The following GALNT18 variants were observed in gnomAD, a reference collection of about 807,000 sequenced individuals.
The protein encoded by GALNT18 is GalNAc-transferase 18.
GALNT18 carries 44 observed loss-of-function variants against 69.5 expected under a neutral mutation model. The ratio of observed to expected loss-of-function variants is 0.63; its 90% CI spans 0.50 to 0.81. The LOEUF is 0.81. GALNT18 is among the 40% of genes least tolerant of loss of function. The pLI, the probability that GALNT18 is intolerant of heterozygous loss-of-function variation, is 0.00. For missense variants in GALNT18, 715 were observed against 810.0 expected, an observed-to-expected ratio of 0.88 and a Z score of 1.42; for synonymous variants, 364 against 318.2, an observed-to-expected ratio of 1.14 and a Z score of -1.53.
At chr11:11,490,982 G>T (rs896928709) in intron 1 of GALNT18, among the ~76,000 whole-genome samples, 3 of 152,228 alleles carry the variant, frequency 2.0e-5, no homozygotes, top group Non-Finnish European at 4.4e-5. Context: ...GTGGAGGTGT[G>T]GGTGGCAAGG....
At chr11:11,362,407 T>A (rs893877940) in intron 6 of GALNT18, among the ~76,000 whole-genome samples, 1 of 151,820 alleles carries the variant, frequency 6.6e-6, no homozygotes, top group Non-Finnish European at 1.5e-5. Context: ...TCAAGACAAG[T>A]AATAAACTGG....
Position 11,389,374 on chromosome 11 carries a change from C to T in GALNT18, c.596-10110G>A, listed in dbSNP as rs1242690845. Among the ~76,000 whole-genome samples the T allele has an allele frequency of 6.6e-6, 1 of 152,178 alleles. No individual in the cohort carries two copies. The highest frequency in any genetic ancestry group is 1.5e-5 in the Non-Finnish European group (1 of 68,036). ...AGCAAATGGGAATGAGAATAATGAACTAATAGAAGTCAGTGTCTTTGCTGA... is the reference window on the plus strand; with the variant it reads ...AGCAAATGGGAATGAGAATAATGAATTAATAGAAGTCAGTGTCTTTGCTGA... On this transcript the variant is annotated intron_variant, in intron 3 of 10. Coordinates refer to ENST00000227756, the MANE Select transcript of GALNT18 (RefSeq NM_198516.3). The surrounding 1 kb of genome is among the most constrained non-coding windows in gnomAD (Gnocchi z 4.3).
In GALNT18 at chr11:11,413,015, C is replaced by T. The variant is rs1232568612; in HGVS notation, c.595+19606G>A. ...AGGCATGAATTTTACACCTATTTCC[C>T]AGAGTATCCCAAAAGGATTAAGATC... On this transcript the variant is annotated intron_variant, in intron 3 of 10. Transcript: ENST00000227756. This position sits in a 1 kb window ranked among gnomAD's most constrained non-coding sequence, Gnocchi z 4.7. Among the ~76,000 whole-genome samples the T allele has an allele frequency of 2.0e-5, 3 of 152,194 alleles. No individual in the cohort carries two copies. The highest frequency in any genetic ancestry group is 4.4e-5 in the Non-Finnish European group (3 of 68,038).
intron 1 of GALNT18, among the ~76,000 whole-genome samples, chr11:11,490,227 TCTCTCTAACA>T (rs1336159343): frequency 1.3e-5 from 1 of 74,394 alleles, no homozygotes; most frequent in Non-Finnish European, 2.7e-5. Flanking sequence ...TCTCTCTCTC[TCTCTCTAACA>T]CACACACACA....
chr11:11,283,046 G>A (rs1048780947), intron 10 of GALNT18, among the ~76,000 whole-genome samples: 12 of 152,246 alleles, frequency 7.9e-5, no homozygotes, highest in Middle Eastern at 3.4e-3. Flanking sequence ...GGTGGCCCAC[G>A]GCAGAAATGG....
chr11:11,610,812 T>C (rs1399110729), intron 1 of GALNT18, among the ~76,000 whole-genome samples: 1 of 152,198 alleles, frequency 6.6e-6, no homozygotes, highest in African/African-American at 2.4e-5. Context: ...TCCAAGCCCA[T>C]GAACTGACAG....
chr11:11,297,183 C>T (rs552922933), intron 9 of GALNT18, among the ~76,000 whole-genome samples: 1 of 152,146 alleles, frequency 6.6e-6, no homozygotes, highest in Admixed American at 6.5e-5. Flanking sequence ...AGGACAGCCC[C>T]CCACAGCAAA....
intron 1 of GALNT18, among the ~76,000 whole-genome samples, chr11:11,498,083 C>T (rs1251644215): frequency 6.6e-6 from 1 of 152,124 alleles, no homozygotes; most frequent in Non-Finnish European, 1.5e-5. Flanking sequence ...ATATGTGAAA[C>T]CAATTGAGGG....
At chr11:11,325,325 T>G (rs549254148) in intron 9 of GALNT18, among the ~76,000 whole-genome samples, 1 of 152,276 alleles carries the variant, frequency 6.6e-6, no homozygotes, top group African/African-American at 2.4e-5. Flanking sequence ...TGCAAAGGCA[T>G]AAGAATGACA....
At chr11:11,581,204 C>T (rs758623957) in intron 1 of GALNT18, among the ~76,000 whole-genome samples, 8 of 152,240 alleles carry the variant, frequency 5.3e-5, no homozygotes, top group Admixed American at 2.6e-4. Context: ...GTAGGGGCCC[C>T]GACAGCACTG....
intron 2 of GALNT18, among the ~76,000 whole-genome samples, chr11:11,434,606 G>GAGAT (rs916558474): frequency 2.4e-4 from 37 of 152,224 alleles, no homozygotes; most frequent in African/African-American, 8.7e-4. Context: ...CTGAGGAAGA[G>GAGAT]AGATTGGATC....
At position 11,494,316 on chromosome 11, in the gene GALNT18, A is replaced by C. The variant is rs1446686837; in HGVS notation, c.236-45380T>G. ...AGCCTAAAAACTGGGTCCTTTCCCC[A>C]GTGCTTCCTGTCTAGGATCCCATGT... On this transcript the variant is annotated intron_variant, in intron 1 of 10. Coordinates refer to ENST00000227756, the MANE Select transcript of GALNT18 (RefSeq NM_198516.3). The surrounding 1 kb of genome is among the most constrained non-coding windows in gnomAD (Gnocchi z 5.7). Among the ~76,000 whole-genome samples the C allele has an allele frequency of 2.0e-5, 3 of 152,140 alleles. No homozygotes were observed. The highest frequency in any genetic ancestry group is 7.2e-5 in the African/African-American group (3 of 41,418).
At position 11,604,106 on chromosome 11, in the gene GALNT18, C is replaced by T. The variant is rs916286066; in HGVS notation, c.235+17253G>A. ...CTCACCAAACACAGAATCCGCTATG[C>T]CTTAATTTTGGACTTCCCAGCCTCC... On this transcript the variant is annotated intron_variant, in intron 1 of 10. Transcript: ENST00000227756. This position sits in a 1 kb window ranked among gnomAD's most constrained non-coding sequence, Gnocchi z 5.6. Among the ~76,000 whole-genome samples, 3 of 152,140 alleles carry T rather than the reference C, an allele frequency of 2.0e-5. No homozygotes were observed. The highest frequency in any genetic ancestry group is 6.5e-5 in the Admixed American group (1 of 15,282).
chr11:11,405,270 C>G (rs1208508210), intron 3 of GALNT18, among the ~76,000 whole-genome samples: 1 of 152,170 alleles, frequency 6.6e-6, no homozygotes, highest in African/African-American at 2.4e-5. Context: ...GAAGGAGACT[C>G]ATGAGAAAAC....
At position 11,435,296 on chromosome 11, in the gene GALNT18, C is replaced by G. The variant is rs1334927443; in HGVS notation, c.429-2509G>C. ...TTCTGAACGTGGTGCCCAGTCTCCC[C>G]CTTCTGAGGAGACCAATTTTAATTC... On this transcript the variant is annotated intron_variant, in intron 2 of 10. Coordinates refer to ENST00000227756, the MANE Select transcript of GALNT18 (RefSeq NM_198516.3). This position sits in a 1 kb window ranked among gnomAD's most constrained non-coding sequence, Gnocchi z 4.4. Among the ~76,000 whole-genome samples the G allele has an allele frequency of 6.6e-6, 1 of 152,156 alleles. No homozygotes were observed. The highest frequency in any genetic ancestry group is 2.4e-5 in the African/African-American group (1 of 41,430).
At chr11:11,298,736 G>A (rs4614445) in intron 9 of GALNT18, among the ~76,000 whole-genome samples, 69,876 of 151,628 alleles carry the variant, frequency 0.46, 16,896 homozygotes, top group Middle Eastern at 0.57. Flanking sequence ...ATCACAGCAG[G>A]TCTTCTTTTG....
chr11:11,520,760 G>T (rs1206674601), intron 1 of GALNT18, among the ~76,000 whole-genome samples: 2 of 152,238 alleles, frequency 1.3e-5, no homozygotes, highest in Non-Finnish European at 2.9e-5. Flanking sequence ...TCACAGGCTG[G>T]AGTGAAGGAA....
chr11:11,323,614 T>A (rs754486342), intron 9 of GALNT18, among the ~76,000 whole-genome samples: 2 of 152,232 alleles, frequency 1.3e-5, no homozygotes, highest in Non-Finnish European at 2.9e-5. Context: ...GCAGCCCTGA[T>A]GATCCCTAAA....
intron 1 of GALNT18, among the ~76,000 whole-genome samples, chr11:11,539,362 T>C (rs1263850045): frequency 2.0e-5 from 3 of 152,190 alleles, no homozygotes; most frequent in South Asian, 2.1e-4. Flanking sequence ...CAACTTTCTA[T>C]GTGAGCCTAG....
Sources: gnomAD v4.1 joint callset for allele counts (sites outside exome capture counted in the v4.1 genomes callset) on GRCh38, gnomAD v4.1.1 for gene constraint, Gnocchi (gnomAD v3.1) non-coding constraint, MANE v1.5 for transcripts, NCBI Gene and HGNC (gene_info 2026-07-23, HGNC 2026-07-21) for gene names.